PARP8: variants seen among roughly 807,000 people sequenced by gnomAD.
PARP8 encodes poly(ADP-ribose) polymerase family member 8.
A neutral mutation model predicts 124.1 loss-of-function variants in PARP8; 51 were observed. The ratio of observed to expected loss-of-function variants is 0.41; its 90% CI spans 0.33 to 0.52. The LOEUF is 0.52. Ranked by LOEUF, PARP8 falls within the 20% of genes least tolerant of loss-of-function variation. The pLI, the probability that PARP8 is intolerant of heterozygous loss-of-function variation, is 0.21. For synonymous variants in PARP8, 391 were observed against 361.5 expected (o/e 1.08, Z -0.93); for missense variants, 860 against 1,018.9 (o/e 0.84, Z 2.12).
chr5:50,824,690 AAC>A (rs1315337287), intron 17 of PARP8, among the ~76,000 whole-genome samples: 1 of 152,106 alleles, frequency 6.6e-6, no homozygotes, highest in Non-Finnish European at 1.5e-5. Context: ...CAAGTCTTTT[AAC>A]ACAGTGTTTG....
intron 15 of PARP8, among the ~76,000 whole-genome samples, chr5:50,816,486 T>C (rs1472238409): frequency 3.3e-5 from 5 of 152,178 alleles, no homozygotes; most frequent in African/African-American, 1.2e-4. Flanking sequence ...ATAATACAGA[T>C]GGTAGCCTAG....
At chr5:50,841,009 T>C (rs998345181) in intron 25 of PARP8, among the ~76,000 whole-genome samples, 2 of 151,912 alleles carry the variant, frequency 1.3e-5, no homozygotes, top group African/African-American at 4.8e-5. Context: ...AGCAGTGGAT[T>C]ACATAAGGAG....
chr5:50,688,054 G>T (rs1353988315), intron 2 of PARP8, among the ~76,000 whole-genome samples: 2 of 152,100 alleles, frequency 1.3e-5, no homozygotes, highest in African/African-American at 4.8e-5. Context: ...TTGCTGTGTT[G>T]CCCAGGCTTG....
intron 2 of PARP8, among the ~76,000 whole-genome samples, chr5:50,676,640 A>G (rs11952107): frequency 0.067 from 10,231 of 152,270 alleles, 384 homozygotes; most frequent in Middle Eastern, 0.11. Flanking sequence ...TGAGCAGTCT[A>G]TGTTGGAGTG....
intron 2 of PARP8, among the ~76,000 whole-genome samples, chr5:50,737,071 A>G (rs1229203346): frequency 6.6e-6 from 1 of 152,150 alleles, no homozygotes; most frequent in African/African-American, 2.4e-5. Flanking sequence ...TTATGTATAT[A>G]ATTGGTGAAT....
rs1477170341 is a variant in PARP8, at chr5:50,824,964, C to T, written c.1917C>T (p.Pro639=). 2.5e-6 allele frequency: 4 copies of T among 1,611,060 alleles called. No homozygotes were observed. Among genetic ancestry groups the T allele is most frequent in the African/African-American group, 1.3e-5 (1 of 74,802 alleles). ...ATAAACAGGACCCCCTTGCTCATCC[C>T]TTACTGCAATGGTATAAAATTCTAG... ...QMDKQDPLAH[P]LLQWVISSNR... The change falls in exon 18 of 26, where the codon CCC becomes CCT. Residue 639 remains proline (P), a synonymous_variant. Transcript: ENST00000281631.
intron 14 of PARP8, among the ~76,000 whole-genome samples, chr5:50,813,722 G>A (rs1190702351): frequency 4.6e-5 from 7 of 152,124 alleles, no homozygotes; most frequent in Non-Finnish European, 8.8e-5. Flanking sequence ...GATACTTGCT[G>A]TGGGTTTGTC....
intron 4 of PARP8, 81 bp from the exon 5 acceptor site, chr5:50,760,211 G>C: frequency 8.1e-7 from 1 of 1,234,194 alleles, no homozygotes; most frequent in Non-Finnish European, 1.1e-6. Context: ...CTAAAGGGTA[G>C]TTTTATACCA....
intron 2 of PARP8, among the ~76,000 whole-genome samples, chr5:50,720,265 C>G (rs185871368): frequency 6.6e-6 from 1 of 151,990 alleles, no homozygotes; most frequent in Non-Finnish European, 1.5e-5. Context: ...CGTTTTGGGC[C>G]CCTCTTAACT....
At chr5:50,774,844 GGGT>G (rs1739773606) in intron 7 of PARP8, among the ~76,000 whole-genome samples, 2 of 132,564 alleles carry the variant, frequency 1.5e-5, no homozygotes, top group African/African-American at 5.8e-5. Context: ...TTCCTAGATG[GGGT>G]GGTGGCCAGG....
At chr5:50,788,218 A>T (rs1254573250) in intron 9 of PARP8, among the ~76,000 whole-genome samples, 1 of 145,374 alleles carries the variant, frequency 6.9e-6, no homozygotes, top group Admixed American at 7.6e-5. Context: ...ATTATTATAC[A>T]TTATACTGTA....
At chr5:50,719,909 G>A (rs1425270430) in intron 2 of PARP8, among the ~76,000 whole-genome samples, 1 of 151,980 alleles carries the variant, frequency 6.6e-6, no homozygotes, top group Non-Finnish European at 1.5e-5. Flanking sequence ...TCCTAGATCA[G>A]TTTTATGCTG....
At chr5:50,769,868 A>G (rs1414646993) in intron 7 of PARP8, among the ~76,000 whole-genome samples, 1 of 152,082 alleles carries the variant, frequency 6.6e-6, no homozygotes, top group Non-Finnish European at 1.5e-5. Flanking sequence ...AAAATTTCCC[A>G]CATTTTATAT....
At chr5:50,784,006 A>G (rs1740961525) in intron 9 of PARP8, among the ~76,000 whole-genome samples, 2 of 152,172 alleles carry the variant, frequency 1.3e-5, no homozygotes, top group African/African-American at 4.8e-5. Context: ...TATGTTTTTT[A>G]TGAAAACTTT....
At chr5:50,803,032 T>A (rs905893479) in intron 14 of PARP8, among the ~76,000 whole-genome samples, 4 of 152,000 alleles carry the variant, frequency 2.6e-5, no homozygotes, top group African/African-American at 9.7e-5. Context: ...TACCTGGGAG[T>A]GTTTTAATTT....
At position 50,844,757 on chromosome 5, in the gene PARP8, CA is replaced by C. The variant is rs1179424085; in HGVS notation, c.*2690del. Reference sequence around the variant, plus strand: ...AATTTATTAGTTCTACTTTTTCCTGCATTGCTTATTTTGTAAACATTTTACT... The same window carrying C: ...AATTTATTAGTTCTACTTTTTCCTGCTTGCTTATTTTGTAAACATTTTACT... On this transcript the variant is annotated 3_prime_UTR_variant, in exon 26 of 26. Transcript: ENST00000281631. 1 of 151,640 alleles carries C rather than the reference CA, an allele frequency of 6.6e-6. No individual in the cohort carries two copies. The highest frequency in any genetic ancestry group is 1.5e-5 in the Non-Finnish European group (1 of 67,730). The allele number at this position is 151,640 out of a possible 1,614,324, so 9.4% of individuals were successfully genotyped here.
intron 2 of PARP8, among the ~76,000 whole-genome samples, chr5:50,676,213 A>G (rs560451244): frequency 1.3e-5 from 2 of 152,234 alleles, no homozygotes; most frequent in African/African-American, 4.8e-5. Flanking sequence ...TCTGAGTCTT[A>G]TTCATTAAAA....
chr5:50,817,137 TAGTATGCTAAC>T (rs1580444025), intron 15 of PARP8, among the ~76,000 whole-genome samples: 2 of 152,140 alleles, frequency 1.3e-5, no homozygotes, highest in East Asian at 3.8e-4. Flanking sequence ...GAAGGAAAAG[TAGTATGCTAAC>T]AGTATGGTAT....
Position 50,754,172 on chromosome 5 carries a change from CACACACACATAT to C in PARP8, c.184+3986_184+3997del, listed in dbSNP as rs1301054732. Among the ~76,000 whole-genome samples, 103 of 39,922 alleles carry C rather than the reference CACACACACATAT, an allele frequency of 2.6e-3. 6 individuals carry two copies. The highest frequency in any genetic ancestry group is 6.3e-3 in the East Asian group (6 of 958). 26.2% of individuals were successfully genotyped at this position (39,922 alleles called of 152,430 possible). A position where few individuals can be genotyped will look rare whatever the true frequency, so the allele number is the denominator to read the frequency against. ...ATATACACACACACACACACACACA[CACACACACATAT>C]ATATATATTTTATTATACTTTAAGT... On this transcript the variant is annotated intron_variant, in intron 3 of 25. Transcript: ENST00000281631.
Sources: allele counts gnomAD v4.1 joint callset (sites outside exome capture counted in the v4.1 genomes callset), GRCh38; gene constraint gnomAD v4.1.1; transcripts MANE v1.5; gene names NCBI Gene and HGNC (gene_info 2026-07-23, HGNC 2026-07-21).